The following NMNAT3 variants were observed in gnomAD, a reference collection of about 807,000 sequenced individuals.
The protein encoded by NMNAT3 is nicotinamide nucleotide adenylyltransferase 3, also known as nicotinamide/nicotinic acid mononucleotide adenylyltransferase 3.
In NMNAT3, 21 loss-of-function variants were observed where a neutral mutation model predicts 24.8. That is an observed-to-expected ratio of 0.85 (90% CI 0.60 to 1.22). The LOEUF is 1.22. NMNAT3 is among the 50% of genes most tolerant of loss of function. NMNAT3 has a pLI of 0.00. For missense variants in NMNAT3, 387 were observed against 436.6 expected, an observed-to-expected ratio of 0.89 and a Z score of 1.01; for synonymous variants, 136 against 155.2, an observed-to-expected ratio of 0.88 and a Z score of 0.92.
chr3:139,619,728 T>G (rs1382344367), intron 3 of NMNAT3, among the ~76,000 whole-genome samples: 1 of 152,196 alleles, frequency 6.6e-6, no homozygotes, highest in East Asian at 1.9e-4. Context: ...GAAAAGGCAC[T>G]CAGTGGCTAA....
At chr3:139,653,925 G>A (rs1353291267) in intron 1 of NMNAT3, among the ~76,000 whole-genome samples, 1 of 152,208 alleles carries the variant, frequency 6.6e-6, no homozygotes, top group African/African-American at 2.4e-5. Flanking sequence ...TCAGCAGGTT[G>A]GAGACAAGCT....
chr3:139,633,181 A>ATT (rs1553755551), intron 2 of NMNAT3, among the ~76,000 whole-genome samples: 94 of 99,362 alleles, frequency 9.5e-4, no homozygotes, highest in East Asian at 1.4e-3. Context: ...TTTTTGTTTG[A>ATT]TTTTTTTTTT....
intron 3 of NMNAT3, among the ~76,000 whole-genome samples, chr3:139,584,762 C>T (rs528935365): frequency 2.0e-5 from 3 of 152,206 alleles, no homozygotes; most frequent in South Asian, 2.1e-4. Context: ...AAATGTCCTA[C>T]GTGTGCTTAA....
At chr3:139,668,042 G>A (rs892245913) in intron 1 of NMNAT3, among the ~76,000 whole-genome samples, 5 of 152,328 alleles carry the variant, frequency 3.3e-5, no homozygotes, top group Non-Finnish European at 7.3e-5. Context: ...CCAGGTGTGT[G>A]AATGAAATTA....
rs538215891 is a variant in NMNAT3, at chr3:139,593,738, A to G, written c.110-10530T>C. ...TGGGTACATAACGAAATGAAGGCAG[A>G]AATAAAGATGTTCTTTGAAACCAAT... is the stretch of plus-strand genomic sequence containing the variant. On this transcript the variant is annotated intron_variant, in intron 3 of 6. Transcript: ENST00000643695. Among the ~76,000 whole-genome samples, 21 of 149,062 alleles carry G rather than the reference A, an allele frequency of 1.4e-4. No individual in the cohort carries two copies. The South Asian group carries it at 3.5e-3, about 25-fold the overall frequency.
chr3:139,663,230 C>T (rs554898466), intron 1 of NMNAT3, among the ~76,000 whole-genome samples: 2 of 152,330 alleles, frequency 1.3e-5, no homozygotes, highest in South Asian at 2.1e-4. Flanking sequence ...TCCAGTTTTT[C>T]TCATGCTACA....
intron 3 of NMNAT3, among the ~76,000 whole-genome samples, chr3:139,607,201 C>T (rs1203868275): frequency 6.6e-6 from 1 of 151,824 alleles, no homozygotes; most frequent in East Asian, 1.9e-4. Context: ...CAAATGTGTA[C>T]ACACACCACT....
intron 6 of NMNAT3, chr3:139,567,394 A>G (rs1414263915): frequency 2.0e-5 from 3 of 152,110 alleles, no homozygotes; most frequent in African/African-American, 4.8e-5. Flanking sequence ...TTCCAACACT[A>G]TGTTGAATAG....
At chr3:139,576,430 G>T in intron 5 of NMNAT3, 1 of 227,122 alleles carries the variant, frequency 4.4e-6, no homozygotes, top group Non-Finnish European at 7.3e-6. Flanking sequence ...GAACCTTTAT[G>T]AAAATAGCAA....
At chr3:139,622,791 G>GAT (rs1394523140) in intron 3 of NMNAT3, among the ~76,000 whole-genome samples, 1 of 134,396 alleles carries the variant, frequency 7.4e-6, no homozygotes. Flanking sequence ...ATATATATAT[G>GAT]ATATATATGA....
At chr3:139,638,283 A>G (rs1295885853) in intron 1 of NMNAT3, among the ~76,000 whole-genome samples, 1 of 152,166 alleles carries the variant, frequency 6.6e-6, no homozygotes, top group Non-Finnish European at 1.5e-5. Context: ...AGCCCCATCC[A>G]AGGACCCTGA....
intron 1 of NMNAT3, among the ~76,000 whole-genome samples, chr3:139,639,257 T>C (rs1003337934): frequency 7.9e-5 from 12 of 152,206 alleles, no homozygotes; most frequent in Non-Finnish European, 1.2e-4. Flanking sequence ...GTAAAACGTG[T>C]GTGGAATAAT....
At chr3:139,605,799 C>A (rs2054916005) in intron 3 of NMNAT3, among the ~76,000 whole-genome samples, 1 of 151,862 alleles carries the variant, frequency 6.6e-6, no homozygotes, top group African/African-American at 2.4e-5. Context: ...GGGGAGGGGG[C>A]AATAATGCCA....
intron 6 of NMNAT3, chr3:139,566,836 G>C (rs1261742184): frequency 1.3e-5 from 2 of 152,136 alleles, no homozygotes; most frequent in South Asian, 2.1e-4. Context: ...GGATTGACTT[G>C]GCAATGCGGG....
At chr3:139,644,759 A>T (rs2056815050) in intron 1 of NMNAT3, among the ~76,000 whole-genome samples, 1 of 152,236 alleles carries the variant, frequency 6.6e-6, no homozygotes, top group Non-Finnish European at 1.5e-5. Flanking sequence ...TGATCCAGGG[A>T]CACTTGACCC....
chr3:139,640,799 G>T (rs905340389), intron 1 of NMNAT3, among the ~76,000 whole-genome samples: 1 of 152,216 alleles, frequency 6.6e-6, no homozygotes, highest in Non-Finnish European at 1.5e-5. Context: ...AAGCCAAGCA[G>T]CCCAGCTTCT....
chr3:139,616,789 T>C (rs1462976383), intron 3 of NMNAT3, among the ~76,000 whole-genome samples: 1 of 152,246 alleles, frequency 6.6e-6, no homozygotes, highest in African/African-American at 2.4e-5. Flanking sequence ...TGTGTGTGTA[T>C]GTGCTGCAGG....
At chr3:139,658,148 G>T (rs1415633837) in intron 1 of NMNAT3, among the ~76,000 whole-genome samples, 5 of 152,096 alleles carry the variant, frequency 3.3e-5, no homozygotes, top group Admixed American at 2.0e-4. Flanking sequence ...GGCTCAGGTA[G>T]TATTTGCAGG....
chr3:139,636,938 C>T (rs1019880680), intron 2 of NMNAT3: 2 of 152,178 alleles, frequency 1.3e-5, no homozygotes, highest in Non-Finnish European at 2.9e-5. Context: ...AGTCCACAGA[C>T]TAAATCTCTA....
Sources: allele counts gnomAD v4.1 joint callset (sites outside exome capture counted in the v4.1 genomes callset), GRCh38; gene constraint gnomAD v4.1.1; transcripts MANE v1.5; gene names NCBI Gene and HGNC (gene_info 2026-07-23, HGNC 2026-07-21).